Variants in MCPH1 observed in about 807,000 individuals in gnomAD.
MCPH1 encodes microcephalin 1.
Under a neutral mutation model 84.5 loss-of-function variants are expected in MCPH1, and 104 were observed. The observed-to-expected ratio is 1.23, with a 90% CI of 1.05 to 1.45. The LOEUF is 1.45. Ranked by LOEUF, MCPH1 falls within the 40% of genes most tolerant of loss-of-function variation. The pLI is 0.00. For missense variants in MCPH1, 1,498 were observed against 1,005.7 expected, an observed-to-expected ratio of 1.49 and a Z score of -6.62; for synonymous variants, 514 against 366.8, an observed-to-expected ratio of 1.40 and a Z score of -4.58.
intron 12 of MCPH1, chr8:6,514,922 G>T: frequency 3.2e-6 from 2 of 619,136 alleles, no homozygotes; most frequent in Non-Finnish European, 5.8e-6. Context: ...GACCATCGGG[G>T]TTGTCTAAGA....
At chr8:6,634,095 G>A (rs183371687) in intron 13 of MCPH1, among the ~76,000 whole-genome samples, 13 of 152,246 alleles carry the variant, frequency 8.5e-5, no homozygotes, top group East Asian at 3.9e-4. Context: ...AAAACTCTAC[G>A]TAAAGCTAAA....
rs1277566580 is a variant in MCPH1 at position 6,621,406 on chromosome 8, G to A, written c.2215-48G>A. On this transcript the variant is annotated intron_variant, in intron 12 of 13. Transcript: ENST00000344683. ...TGCAACAGTTCGCCTACGCTATGGA[G>A]ACTGGAGTGGTCCCACCTCTGTAAT... 12 of 1,609,014 alleles carry A rather than the reference G, an allele frequency of 7.5e-6. No homozygotes were observed. The South Asian group carries it at 1.2e-4, about 16-fold the overall frequency.
intron 12 of MCPH1, among the ~76,000 whole-genome samples, chr8:6,602,308 C>A (rs17063456): frequency 4.6e-5 from 7 of 152,272 alleles, no homozygotes; most frequent in South Asian, 2.1e-4. Context: ...AGGGACCGTC[C>A]TTGCATTCTG....
chr8:6,500,945 A>G (rs542443092), intron 12 of MCPH1: 15 of 152,328 alleles, frequency 9.8e-5, no homozygotes, highest in Non-Finnish European at 2.2e-4. Flanking sequence ...TTCCCTACCT[A>G]AGTATCCATC....
intron 12 of MCPH1, among the ~76,000 whole-genome samples, chr8:6,559,860 G>T (rs1825247167): frequency 6.6e-6 from 1 of 152,226 alleles, no homozygotes; most frequent in African/African-American, 2.4e-5. Flanking sequence ...TAGCGATCAT[G>T]AGTTTATCTG....
At chr8:6,499,201 G>A (rs1466754614) in intron 11 of MCPH1, among the ~76,000 whole-genome samples, 2 of 152,106 alleles carry the variant, frequency 1.3e-5, no homozygotes, top group African/African-American at 4.8e-5. Context: ...AGGAGAGACG[G>A]CTGCAGAACC....
intron 8 of MCPH1, among the ~76,000 whole-genome samples, chr8:6,453,626 A>C (rs1238269140): frequency 6.6e-6 from 1 of 152,182 alleles, no homozygotes; most frequent in African/African-American, 2.4e-5. Flanking sequence ...TGCTTTTCCG[A>C]TTTTGACACA....
At chr8:6,457,584 G>A (rs763033862) in intron 9 of MCPH1, among the ~76,000 whole-genome samples, 6 of 151,930 alleles carry the variant, frequency 3.9e-5, no homozygotes, top group African/African-American at 7.3e-5. Flanking sequence ...CAGCCTGGGC[G>A]ACAGAGTGAG....
Position 6,414,943 on chromosome 8 carries a change from A to G in MCPH1, c.233+60A>G. The stretch of plus-strand genomic sequence containing the variant: ...TATCTAGTATTGAAAATGTGTGGAG[A>G]TATTTTTCACAGATCGCAGAACCAG... On this transcript the variant is annotated intron_variant, in intron 3 of 13. Transcript: ENST00000344683. The G allele has an allele frequency of 3.2e-6, 5 of 1,568,026 alleles. No individual in the cohort carries two copies. The South Asian group carries it at 4.5e-5, about 14-fold the overall frequency.
chr8:6,535,280 GAT>G (rs1820277413), intron 12 of MCPH1, among the ~76,000 whole-genome samples: 1 of 152,160 alleles, frequency 6.6e-6, no homozygotes. Flanking sequence ...ACTCTCCAGA[GAT>G]ATGAGAGGAT....
rs139101397 is a variant in MCPH1 at position 6,497,017 on chromosome 8, A to G, written c.2137-2835A>G. ...TGCTTATGAAATACTTTGTGAATAA[A>G]TTTTGTTCTTAGCTGAAGAAAATTT... is the stretch of plus-strand genomic sequence containing the variant. On this transcript the variant is annotated intron_variant, in intron 11 of 13. Coordinates refer to ENST00000344683, the MANE Select transcript of MCPH1 (RefSeq NM_024596.5). Among the ~76,000 whole-genome samples, 1,133 of 152,294 alleles carry G rather than the reference A, an allele frequency of 7.4e-3. 13 individuals are homozygous for G. The highest frequency in any genetic ancestry group is 0.026 in the African/African-American group (1,079 of 41,556).
intron 12 of MCPH1, among the ~76,000 whole-genome samples, chr8:6,522,725 G>C (rs1817597780): frequency 6.6e-6 from 1 of 151,056 alleles, no homozygotes; most frequent in African/African-American, 2.4e-5. Flanking sequence ...AGTGAGCTGA[G>C]ATTATGCCAT....
intron 13 of MCPH1, among the ~76,000 whole-genome samples, chr8:6,630,966 A>G: frequency 6.6e-6 from 1 of 152,212 alleles, no homozygotes; most frequent in East Asian, 1.9e-4. Flanking sequence ...CTCTCATCCA[A>G]CACAGAAACC....
chr8:6,431,617 C>A, intron 4 of MCPH1, 31 bp downstream of exon 4: 1 of 1,373,580 alleles, frequency 7.3e-7, no homozygotes, highest in Non-Finnish European at 1.0e-6. Context: ...TAGATAATGG[C>A]AATTAGGAAT....
intron 12 of MCPH1, among the ~76,000 whole-genome samples, chr8:6,524,204 T>G (rs1360808391): frequency 6.6e-6 from 1 of 152,216 alleles, no homozygotes; most frequent in Non-Finnish European, 1.5e-5. Context: ...ATTCCCTTTT[T>G]TGAGTCCCGT....
intron 3 of MCPH1, among the ~76,000 whole-genome samples, chr8:6,428,912 AT>A (rs1244152386): frequency 5.8e-5 from 4 of 68,566 alleles, no homozygotes; most frequent in African/African-American, 1.2e-4. Context: ...TGACCTCCAT[AT>A]TTCTAAATAC....
chr8:6,500,237 C>G, intron 12 of MCPH1: 1 of 369,002 alleles, frequency 2.7e-6, no homozygotes, highest in Non-Finnish European at 5.1e-6. Flanking sequence ...TTATATCTTG[C>G]TTAATGTTTT....
At chr8:6,548,397 T>G (rs1294807209) in intron 12 of MCPH1, among the ~76,000 whole-genome samples, 1 of 152,172 alleles carries the variant, frequency 6.6e-6, no homozygotes, top group African/African-American at 2.4e-5. Context: ...AAAATGGCAG[T>G]GATAACTCAG....
intron 13 of MCPH1, among the ~76,000 whole-genome samples, chr8:6,640,168 G>T (rs557438801): frequency 6.6e-6 from 1 of 151,672 alleles, no homozygotes; most frequent in East Asian, 1.9e-4. Context: ...TCAATTTTAA[G>T]AGATTTTCTT....
Sources: allele counts gnomAD v4.1 joint callset (sites outside exome capture counted in the v4.1 genomes callset), GRCh38; gene constraint gnomAD v4.1.1; transcripts MANE v1.5; gene names NCBI Gene and HGNC (gene_info 2026-07-23, HGNC 2026-07-21).